TENM2: variants seen among roughly 807,000 people sequenced by gnomAD.
TENM2 encodes the protein teneurin transmembrane protein 2, also known as teneurin-2.
TENM2 carries 52 observed loss-of-function variants against 245.2 expected under a neutral mutation model. The ratio of observed to expected loss-of-function variants is 0.21; its 90% CI spans 0.17 to 0.27. The LOEUF (loss-of-function observed/expected upper bound fraction) is 0.27, where lower values mean the gene tolerates loss of function less well. TENM2 is among the 10% of genes least tolerant of loss of function. The probability of loss-of-function intolerance (pLI) is 1.00; values close to 1 mark genes in which losing one functional copy is unlikely to be tolerated. For missense variants in TENM2, 3,046 were observed against 3,666.8 expected, an observed-to-expected ratio of 0.83 and a Z score of 4.37; for synonymous variants, 1,363 against 1,438.9, an observed-to-expected ratio of 0.95 and a Z score of 1.19.
intron 2 of TENM2, among the ~76,000 whole-genome samples, chr5:167,644,485 T>C (rs1054787911): frequency 2.6e-5 from 4 of 152,218 alleles, no homozygotes; most frequent in Non-Finnish European, 5.9e-5. Flanking sequence ...TAGGTGGATT[T>C]GTAATGACAA....
chr5:167,727,402 G>A (rs1174020912), intron 2 of TENM2, among the ~76,000 whole-genome samples: 4 of 152,120 alleles, frequency 2.6e-5, no homozygotes, highest in Admixed American at 6.5e-5. Flanking sequence ...GTGAGCCACC[G>A]TGCCCGGCCA....
At chr5:167,880,952 G>A (rs1773828617) in intron 3 of TENM2, among the ~76,000 whole-genome samples, 1 of 152,176 alleles carries the variant, frequency 6.6e-6, no homozygotes, top group East Asian at 1.9e-4. Context: ...GATGTTCTGT[G>A]TTACAGATTC....
intron 12 of TENM2, among the ~76,000 whole-genome samples, chr5:168,157,452 A>G (rs945918627): frequency 1.3e-5 from 2 of 152,056 alleles, no homozygotes; most frequent in African/African-American, 4.8e-5. Flanking sequence ...ACCAGTTAGG[A>G]GGTTTCGACA....
chr5:167,660,892 CT>C, intron 2 of TENM2, among the ~76,000 whole-genome samples: 1 of 152,122 alleles, frequency 6.6e-6, no homozygotes, highest in South Asian at 2.1e-4. Flanking sequence ...GTGCCAGTAG[CT>C]TGTGGGTGCT....
At chr5:167,598,002 C>CCCA in intron 2 of TENM2, among the ~76,000 whole-genome samples, 1 of 152,178 alleles carries the variant, frequency 6.6e-6, no homozygotes, top group East Asian at 1.9e-4. Context: ...CACCATCACA[C>CCCA]CCACATTCCA....
At chr5:167,506,153 A>G (rs1159912554) in intron 2 of TENM2, among the ~76,000 whole-genome samples, 1 of 152,216 alleles carries the variant, frequency 6.6e-6, no homozygotes, top group Non-Finnish European at 1.5e-5. Context: ...GTACCAAAAA[A>G]ATGCTAACTT....
At chr5:167,695,649 T>C (rs1030094138) in intron 2 of TENM2, among the ~76,000 whole-genome samples, 3 of 152,088 alleles carry the variant, frequency 2.0e-5, no homozygotes, top group Non-Finnish European at 4.4e-5. Flanking sequence ...TGTTGAACTT[T>C]TTACATTTTA....
chr5:167,572,243 G>A (rs1034487077), intron 2 of TENM2, among the ~76,000 whole-genome samples: 6 of 152,360 alleles, frequency 3.9e-5, no homozygotes, highest in Admixed American at 2.6e-4. Flanking sequence ...AATGTGGCCA[G>A]TGTGGGGGAA....
At chr5:167,510,071 A>G (rs4869051) in intron 2 of TENM2, among the ~76,000 whole-genome samples, 91,570 of 152,076 alleles carry the variant, frequency 0.6, 28,394 homozygotes, top group East Asian at 0.81. Context: ...ATAGATTTGC[A>G]TCGGGAGCCT....
the TENM2 span, among the ~76,000 whole-genome samples, chr5:167,247,450 C>T: frequency 6.6e-6 from 1 of 152,010 alleles, no homozygotes; most frequent in Non-Finnish European, 1.5e-5. Context: ...TTAAGGCTGT[C>T]AAATGAGTTT....
the TENM2 span, among the ~76,000 whole-genome samples, chr5:166,996,338 G>T: frequency 6.6e-6 from 1 of 152,098 alleles, no homozygotes; most frequent in Admixed American, 6.5e-5. Flanking sequence ...GTGAGACTCC[G>T]TCTCAAAAAC....
the TENM2 span, among the ~76,000 whole-genome samples, chr5:167,051,470 A>G: frequency 0.71 from 108,320 of 151,750 alleles, 40,073 homozygotes; most frequent in African/African-American, 0.93. Flanking sequence ...TCCTTTACTA[A>G]GACATCAGAT....
exon 10 of TENM2, chr5:168,118,387 A>G (rs752614594): frequency 1.9e-6 from 3 of 1,611,866 alleles, no homozygotes; most frequent in East Asian, 2.2e-5. Flanking sequence ...CGACGTGCCC[A>G]TGAATCAGTG....
the TENM2 span, among the ~76,000 whole-genome samples, chr5:167,017,131 A>G: frequency 1.3e-5 from 2 of 152,306 alleles, no homozygotes; most frequent in East Asian, 3.9e-4. Flanking sequence ...TTTCAGGAAG[A>G]ATAAGATGAA....
chr5:167,049,243 A>G, the TENM2 span, among the ~76,000 whole-genome samples: 1 of 152,234 alleles, frequency 6.6e-6, no homozygotes, highest in Admixed American at 6.5e-5. Flanking sequence ...CCATAGAAAC[A>G]TGGCAAATCA....
intron 3 of TENM2, among the ~76,000 whole-genome samples, chr5:167,941,107 T>C (rs1369843433): frequency 6.6e-6 from 1 of 152,120 alleles, no homozygotes; most frequent in East Asian, 1.9e-4. Flanking sequence ...ACTTAAACCA[T>C]CTAAATGTGA....
At chr5:167,932,919 G>A (rs1778397978) in intron 3 of TENM2, among the ~76,000 whole-genome samples, 1 of 152,138 alleles carries the variant, frequency 6.6e-6, no homozygotes, top group Admixed American at 6.5e-5. Flanking sequence ...ATGTTGTATT[G>A]AAAAGAGCTA....
intron 2 of TENM2, among the ~76,000 whole-genome samples, chr5:167,764,725 G>A (rs969041870): frequency 2.0e-5 from 3 of 152,076 alleles, no homozygotes; most frequent in African/African-American, 7.2e-5. Context: ...AGAAGATCAG[G>A]GCCAAGTTGC....
chr5:167,868,616 A>T (rs1454657745), intron 2 of TENM2, among the ~76,000 whole-genome samples: 1 of 151,794 alleles, frequency 6.6e-6, no homozygotes, highest in African/African-American at 2.4e-5. Context: ...GCGTGCCTGT[A>T]ATCCCAGCTA....
Sources: allele counts gnomAD v4.1 joint callset (sites outside exome capture counted in the v4.1 genomes callset), GRCh38; gene constraint gnomAD v4.1.1; transcripts MANE v1.5; gene names NCBI Gene and HGNC (gene_info 2026-07-23, HGNC 2026-07-21).